The following FAM83C variants were observed in gnomAD, a reference collection of about 807,000 sequenced individuals.
FAM83C encodes the protein protein FAM83C.
A neutral mutation model predicts 27.1 loss-of-function variants in FAM83C; 23 were observed. The observed-to-expected ratio is 0.85, with a 90% CI of 0.61 to 1.20. FAM83C has a LOEUF of 1.20. Among genes scored for constraint, FAM83C ranks in the 50% most tolerant of loss-of-function variants. The probability of loss-of-function intolerance (pLI) is 0.00; values close to 1 mark genes in which losing one functional copy is unlikely to be tolerated. For missense variants in FAM83C, 984 were observed against 1,001.3 expected (o/e 0.98, Z 0.23); for synonymous variants, 426 against 423.1 (o/e 1.01, Z -0.09).
At position 35,288,860 on chromosome 20, in the gene FAM83C, A is replaced by G; in HGVS notation, c.612T>C (p.Leu204=). Residue 204 remains leucine, a synonymous_variant, in exon 2 of 4, where the codon CTT becomes CTC. Transcript: ENST00000374408. ...SRRGVPVYLL[L]AQEHLRHFLE... The stretch of plus-strand genomic sequence containing the variant: ...GGAAGTGCCTCAGGTGCTCCTGGGC[A>G]AGGAGCAGGTACACAGGGACACCAC... 6.2e-7 allele frequency: 1 copy of G among 1,614,116 alleles called. No individual in the cohort carries two copies. Among genetic ancestry groups the G allele is most frequent in the African/African-American group, 1.3e-5 (1 of 75,046 alleles).
rs547606938 is a variant in FAM83C, at chr20:35,292,219, G to A, written c.86C>T (p.Pro29Leu). The A allele has an allele frequency of 4.3e-5, 69 of 1,588,806 alleles. No homozygotes were observed. Among genetic ancestry groups the A allele is most frequent in the East Asian group, 2.9e-4 (13 of 44,456 alleles). Residue 29 changes from proline to leucine, a missense_variant, in exon 1 of 4, where the codon CCG becomes CTG. Pro to Leu is a moderately conservative substitution (Grantham distance 98, BLOSUM62 -3). Coordinates refer to ENST00000374408, the MANE Select transcript of FAM83C (RefSeq NM_178468.6). ...CAGCGGTGAGCTCTCCCGCCACCAC[G>A]GCAGCTTCAGCTCTTCCACCCGGCC... Reference protein sequence around the residue: ...LRGRVEELKLPWWRESSPLVL... With the variant: ...LRGRVEELKLLWWRESSPLVL...
rs1220634203 is a variant in FAM83C at position 35,286,422 on chromosome 20, C to T, written c.*113G>A. The T allele has an allele frequency of 3.1e-6, 3 of 959,044 alleles. No homozygotes were observed. Among genetic ancestry groups the T allele is most frequent in the Non-Finnish European group, 4.5e-6 (3 of 659,786 alleles). The allele number at this position is 959,044 out of a possible 1,614,324, so 59.4% of individuals were successfully genotyped here. On this transcript the variant is annotated 3_prime_UTR_variant, in exon 4 of 4. Transcript: ENST00000374408. Reference sequence around the variant, plus strand: ...CTTGAGCCCAGAGAGTGTGTCTGACCTGGGTTTCTAGACACCTCCCTTCCC... The same window carrying T: ...CTTGAGCCCAGAGAGTGTGTCTGACTTGGGTTTCTAGACACCTCCCTTCCC...
intron 1 of FAM83C, 71 bp downstream of exon 1, chr20:35,291,721 C>T (rs1372656026): frequency 1.7e-5 from 27 of 1,593,132 alleles, no homozygotes; most frequent in Non-Finnish European, 2.1e-5. Flanking sequence ...TGGCCTTGGG[C>T]TGGTCCCTTC....
intron 1 of FAM83C, 29 bp downstream of exon 1, chr20:35,291,763 G>A: frequency 6.2e-7 from 1 of 1,612,536 alleles, no homozygotes; most frequent in African/African-American, 1.3e-5. Context: ...TCCTCTGTGA[G>A]ATGAGTGATG....
Position 35,286,475 on chromosome 20 carries a change from T to A in FAM83C, c.*60A>T, listed in dbSNP as rs927405055. On this transcript the variant is annotated 3_prime_UTR_variant, in exon 4 of 4. Transcript: ENST00000374408. ...GTCTGGGACCTGAGCAAGTCCAGAG[T>A]CTCGGTGGACAGAGGAGGGGCCTGC... 4 of 1,492,820 alleles carry A rather than the reference T, an allele frequency of 2.7e-6. No individual in the cohort carries two copies. The African/African-American group carries it at 4.2e-5, about 16-fold the overall frequency. 92.5% of individuals were successfully genotyped at this position (1,492,820 alleles called of 1,614,324 possible).
Position 35,292,168 on chromosome 20 carries a change from C to G in FAM83C, c.137G>C (p.Arg46Pro). The G allele has an allele frequency of 6.3e-7, 1 of 1,597,132 alleles. No homozygotes were observed. Among genetic ancestry groups the G allele is most frequent in the South Asian group, 1.1e-5 (1 of 90,924 alleles). Reference protein sequence around the residue: ...PLVLRHSEAARLAADALLERG... With the variant: ...PLVLRHSEAAPLAADALLERG... ...CTCCAGGAGGGCGTCGGCCGCCAGCCGAGCCGCCTCGCTGTGCCGCAGCAC... is the reference window on the plus strand; with the variant it reads ...CTCCAGGAGGGCGTCGGCCGCCAGCGGAGCCGCCTCGCTGTGCCGCAGCAC... The change falls in exon 1 of 4, where the codon CGG (arginine) becomes CCG (proline). Residue 46 changes from arginine to proline, a missense_variant. Transcript: ENST00000374408.
intron 1 of FAM83C, 72 bp downstream of exon 1, chr20:35,291,720 G>T (rs905912367): frequency 1.3e-5 from 20 of 1,592,454 alleles, no homozygotes; most frequent in Non-Finnish European, 1.4e-5. Context: ...GTGGCCTTGG[G>T]CTGGTCCCTT....
In FAM83C at chr20:35,286,409, G is replaced by A. The variant is rs1480921796; in HGVS notation, c.*126C>T. 1.3e-6 allele frequency: 1 copy of A among 766,578 alleles called. No individual in the cohort carries two copies. Among genetic ancestry groups the A allele is most frequent in the Non-Finnish European group, 2.1e-6 (1 of 486,258 alleles). 47.5% of individuals were successfully genotyped at this position (766,578 alleles called of 1,614,324 possible). On this transcript the variant is annotated 3_prime_UTR_variant, in exon 4 of 4. Transcript: ENST00000374408. The stretch of plus-strand genomic sequence containing the variant: ...TGTACACAAGAATCTTGAGCCCAGA[G>A]AGTGTGTCTGACCTGGGTTTCTAGA...
Position 35,286,544 on chromosome 20 carries a change from A to C in FAM83C, c.2235T>G (p.Phe745Leu). 6.2e-7 allele frequency: 1 copy of C among 1,609,344 alleles called. No individual in the cohort carries two copies. Among genetic ancestry groups the C allele is most frequent in the Non-Finnish European group, 8.5e-7 (1 of 1,177,374 alleles). The change falls in exon 4 of 4, where the codon TTT (phenylalanine) becomes TTG (leucine). Residue 745 changes from phenylalanine to leucine, a missense_variant. Coordinates refer to ENST00000374408, the MANE Select transcript of FAM83C (RefSeq NM_178468.6). ...GATGCCAGTCCTTTGGCTAGGACTC[A>C]AAGCGGCTTCGGAGCTGCTTGAACT... ...KSKFKQLRSR[F>L]ES
At position 35,286,357 on chromosome 20, in the gene FAM83C, GTGTGTGT is replaced by G; in HGVS notation, c.*171_*177del. ...GATTCAAGAAGATACTAGTTAGGGT[GTGTGTGT>G]GTGTGTGTGTGTGTGTGTGTGTACA... On this transcript the variant is annotated 3_prime_UTR_variant, in exon 4 of 4. Transcript: ENST00000374408. 8.7e-6 allele frequency: 4 copies of G among 458,222 alleles called. No individual in the cohort carries two copies. The highest frequency in any genetic ancestry group is 5.9e-4 in the Middle Eastern group (1 of 1,696). 28.4% of individuals were successfully genotyped at this position (458,222 alleles called of 1,614,324 possible). A position where few individuals can be genotyped will look rare whatever the true frequency, so the allele number is the denominator to read the frequency against.
At chr20:35,289,008 C>T (rs2146274186) in intron 1 of FAM83C, 50 bp from the exon 2 acceptor site, 2 of 1,568,728 alleles carry the variant, frequency 1.3e-6, no homozygotes, top group East Asian at 2.3e-5. Context: ...GGGCACTCCC[C>T]ACATCCAGCC....
Position 35,286,345 on chromosome 20 carries a change from A to G in FAM83C, c.*190T>C. ...AAACACAGCCTAGATTCAAGAAGAT[A>G]CTAGTTAGGGTGTGTGTGTGTGTGT... On this transcript the variant is annotated 3_prime_UTR_variant, in exon 4 of 4. Coordinates refer to ENST00000374408, the MANE Select transcript of FAM83C (RefSeq NM_178468.6). The G allele has an allele frequency of 1.7e-6, 1 of 586,814 alleles. No individual in the cohort carries two copies. The highest frequency in any genetic ancestry group is 2.9e-6 in the Non-Finnish European group (1 of 340,356). The allele number at this position is 586,814 out of a possible 1,614,324, so 36.4% of individuals were successfully genotyped here. A position where few individuals can be genotyped will look rare whatever the true frequency, so the allele number is the denominator to read the frequency against.
In FAM83C at chr20:35,292,141, C is replaced by G. The variant is rs776231191; in HGVS notation, c.164G>C (p.Arg55Pro). Residue 55 changes from arginine (R) to proline (P), a missense_variant, in exon 1 of 4, where the codon CGG (arginine) becomes CCG (proline). Arg to Pro is a moderately radical substitution (Grantham distance 103). Coordinates refer to ENST00000374408, the MANE Select transcript of FAM83C (RefSeq NM_178468.6). ...GACCCGCAGGTAGGCAGCCTCACCC[C>G]GCTCCAGGAGGGCGTCGGCCGCCAG... Reference protein sequence around the residue: ...ARLAADALLERGEAAYLRVIS... With the variant: ...ARLAADALLEPGEAAYLRVIS... The G allele has an allele frequency of 6.2e-7, 1 of 1,600,840 alleles. No homozygotes were observed. The highest frequency in any genetic ancestry group is 2.2e-5 in the East Asian group (1 of 44,862).
chr20:35,288,574 C>T lies in FAM83C; in HGVS notation c.693G>A (p.Val231=). 1 of 1,614,194 alleles carries T rather than the reference C, an allele frequency of 6.2e-7. No homozygotes were observed. Among genetic ancestry groups the T allele is most frequent in the Non-Finnish European group, 8.5e-7 (1 of 1,180,006 alleles). ...AGTATGTGTCCCCACACGTGCTCCG[C>T]ACACGCATGTTCTAGGTGGAAGTAG... is the stretch of plus-strand genomic sequence containing the variant. ...LNGEHLPNMR[V]RSTCGDTYCS... is the part of the protein sequence containing the mutation. Residue 231 remains valine, a synonymous_variant, in exon 3 of 4, where the codon GTG becomes GTA. Transcript: ENST00000374408.
intron 1 of FAM83C, among the ~76,000 whole-genome samples, chr20:35,289,229 G>A (rs970429463): frequency 2.0e-5 from 3 of 152,198 alleles, no homozygotes; most frequent in African/African-American, 2.4e-5. Context: ...GTGCAGTGGC[G>A]TGATCATAGC....
At chr20:35,291,411 C>T (rs2060846486) in intron 1 of FAM83C, among the ~76,000 whole-genome samples, 1 of 152,216 alleles carries the variant, frequency 6.6e-6, no homozygotes, top group African/African-American at 2.4e-5. Context: ...CTCAGATGTT[C>T]CCCAAGGTTG....
intron 1 of FAM83C, among the ~76,000 whole-genome samples, chr20:35,290,656 G>C (rs2060844383): frequency 6.6e-6 from 1 of 152,330 alleles, no homozygotes; most frequent in East Asian, 1.9e-4. Context: ...GGATAGAGGG[G>C]TCTAAATGGG....
rs1233875167 is a variant in FAM83C, at chr20:35,286,950, A to G, written c.1829T>C (p.Leu610Pro). 6.2e-7 allele frequency: 1 copy of G among 1,613,818 alleles called. No homozygotes were observed. The stretch of plus-strand genomic sequence containing the variant: ...AGGTCTGGCTGAGGAGTTGGTTTCA[A>G]GGGGCACTCTGGAACCCTGGGCCTT... ...YPKAQGSRVP[L>P]ETNSSARPAR... Residue 610 changes from leucine to proline, a missense_variant, in exon 4 of 4, where the codon CTT (leucine) becomes CCT (proline). By Grantham distance (98) the Leu-to-Pro change is moderately conservative. Coordinates refer to ENST00000374408, the MANE Select transcript of FAM83C (RefSeq NM_178468.6).
chr20:35,290,551 G>C (rs2060844042), intron 1 of FAM83C, among the ~76,000 whole-genome samples: 1 of 152,196 alleles, frequency 6.6e-6, no homozygotes, highest in African/African-American at 2.4e-5. Context: ...AGACATAACA[G>C]AGCTCTATAA....
Sources: allele counts gnomAD v4.1 joint callset (sites outside exome capture counted in the v4.1 genomes callset), GRCh38; gene constraint gnomAD v4.1.1; transcripts MANE v1.5; gene names NCBI Gene and HGNC (gene_info 2026-07-23, HGNC 2026-07-21).